Variants in ZNF804B observed in about 807,000 individuals in gnomAD.
The protein encoded by ZNF804B is zinc finger protein 804B.
In ZNF804B, 80 loss-of-function variants were observed where a neutral mutation model predicts 101.4. The ratio of observed to expected loss-of-function variants is 0.79; its 90% CI spans 0.66 to 0.95. The LOEUF (loss-of-function observed/expected upper bound fraction) is 0.95, where lower values mean the gene tolerates loss of function less well. Ranked by LOEUF, ZNF804B falls within the 40% of genes least tolerant of loss-of-function variation. ZNF804B has a pLI of 0.00. For missense variants in ZNF804B, 1,673 were observed against 1,561.9 expected, an observed-to-expected ratio of 1.07 and a Z score of -1.20; for synonymous variants, 622 against 558.8, an observed-to-expected ratio of 1.11 and a Z score of -1.59.
intron 1 of ZNF804B, among the ~76,000 whole-genome samples, chr7:89,011,838 G>C (rs994323581): frequency 6.6e-6 from 1 of 152,080 alleles, no homozygotes. Context: ...GCTGTTGGTG[G>C]ATCTATTGTT....
At chr7:89,063,783 C>T (rs769222086) in intron 1 of ZNF804B, among the ~76,000 whole-genome samples, 1 of 152,122 alleles carries the variant, frequency 6.6e-6, no homozygotes. Context: ...TCAGTAAACA[C>T]GTACTAAGTA....
At chr7:89,275,016 G>C (rs1269319903) in intron 2 of ZNF804B, among the ~76,000 whole-genome samples, 2 of 151,910 alleles carry the variant, frequency 1.3e-5, no homozygotes, top group Non-Finnish European at 2.9e-5. Flanking sequence ...AAATGAATTT[G>C]TCTCCTGATT....
chr7:89,042,062 G>A (rs1422914178), intron 1 of ZNF804B, among the ~76,000 whole-genome samples: 1 of 152,100 alleles, frequency 6.6e-6, no homozygotes, highest in African/African-American at 2.4e-5. Context: ...TGAGAAATGT[G>A]TTATACTTTT....
intron 2 of ZNF804B, among the ~76,000 whole-genome samples, chr7:89,301,394 T>C (rs1369396806): frequency 6.6e-6 from 1 of 151,572 alleles, no homozygotes; most frequent in Non-Finnish European, 1.5e-5. Flanking sequence ...TCTTCCAAAC[T>C]CACCCTGTGA....
At chr7:88,767,206 C>G (rs988414865) in intron 1 of ZNF804B, among the ~76,000 whole-genome samples, 1 of 152,176 alleles carries the variant, frequency 6.6e-6, no homozygotes, top group Non-Finnish European at 1.5e-5. Flanking sequence ...TTTCACCCAA[C>G]CTTACAAGTT....
chr7:88,786,258 G>T (rs1790301235), intron 1 of ZNF804B, among the ~76,000 whole-genome samples: 1 of 152,112 alleles, frequency 6.6e-6, no homozygotes. Flanking sequence ...AAATAGAGTA[G>T]ATGCTATACC....
intron 1 of ZNF804B, among the ~76,000 whole-genome samples, chr7:88,819,929 G>C (rs1790949500): frequency 6.6e-6 from 1 of 152,158 alleles, no homozygotes; most frequent in Non-Finnish European, 1.5e-5. Context: ...AGGAAGCATA[G>C]TTTGTCCTGT....
intron 2 of ZNF804B, among the ~76,000 whole-genome samples, chr7:89,301,174 T>C (rs1433151252): frequency 6.8e-6 from 1 of 146,674 alleles, no homozygotes; most frequent in Non-Finnish European, 1.5e-5. Context: ...AACAAAAAAT[T>C]CTGATAGATA....
At chr7:89,238,868 G>A (rs1328724521) in intron 2 of ZNF804B, among the ~76,000 whole-genome samples, 2 of 152,132 alleles carry the variant, frequency 1.3e-5, no homozygotes, top group Non-Finnish European at 2.9e-5. Flanking sequence ...GGTCAAGGTG[G>A]CAGACCTGAC....
chr7:89,251,542 A>C (rs1477699697), intron 2 of ZNF804B, among the ~76,000 whole-genome samples: 1 of 152,188 alleles, frequency 6.6e-6, no homozygotes, highest in Non-Finnish European at 1.5e-5. Context: ...TACAGATTCA[A>C]TGCTATTTCT....
rs753281407 is a variant in ZNF804B, at chr7:89,337,020, A to G, written c.4038A>G (p.Thr1346=). ...TGAAAGAGGCCTTAAATGTGTCCAC[A>G]CACTTGAACTAATAAGTGTTAAAGC... ...NEVKEALNVS[T]HLN is the part of the protein sequence containing the mutation. Residue 1346 remains threonine, a synonymous_variant, in exon 4 of 4, where the codon ACA becomes ACG. Coordinates refer to ENST00000333190, the MANE Select transcript of ZNF804B (RefSeq NM_181646.5). 1 of 1,613,208 alleles carries G rather than the reference A, an allele frequency of 6.2e-7. No homozygotes were observed. The highest frequency in any genetic ancestry group is 1.7e-5 in the Admixed American group (1 of 59,892).
At position 89,142,395 on chromosome 7, in the gene ZNF804B, C is replaced by T. The variant is rs1790730525; in HGVS notation, c.109-75760C>T. Among the ~76,000 whole-genome samples the T allele has an allele frequency of 2.0e-5, 3 of 151,834 alleles. No homozygotes were observed. In the South Asian group the frequency reaches 6.2e-4, roughly 32 times the overall value. On this transcript the variant is annotated intron_variant, in intron 1 of 3. Transcript: ENST00000333190. ...ATAAGAACATATTATTGTTCTTTGA[C>T]CATCCAGAAAGTCAACAAACAAAAT...
chr7:88,911,949 CT>C (rs2115976890), intron 1 of ZNF804B, among the ~76,000 whole-genome samples: 1 of 151,680 alleles, frequency 6.6e-6, no homozygotes, highest in East Asian at 1.9e-4. Flanking sequence ...ATATTTTTAA[CT>C]TTTTTCCTGT....
intron 1 of ZNF804B, among the ~76,000 whole-genome samples, chr7:89,210,653 T>C (rs117229604): frequency 0.011 from 1,674 of 152,318 alleles, 45 homozygotes; most frequent in East Asian, 0.095. Context: ...ACTCCATCCA[T>C]GTCCCTGCAA....
At chr7:89,006,612 G>A (rs1306388571) in intron 1 of ZNF804B, among the ~76,000 whole-genome samples, 1 of 151,884 alleles carries the variant, frequency 6.6e-6, no homozygotes, top group Non-Finnish European at 1.5e-5. Context: ...CAATTGATGT[G>A]GTTAGATGCC....
At chr7:89,006,537 T>C (rs796439650) in intron 1 of ZNF804B, among the ~76,000 whole-genome samples, 13 of 152,146 alleles carry the variant, frequency 8.5e-5, no homozygotes, top group African/African-American at 3.1e-4. Flanking sequence ...CTTTGAAAAA[T>C]ATAACAAAAA....
intron 1 of ZNF804B, among the ~76,000 whole-genome samples, chr7:88,928,801 A>G (rs545170039): frequency 6.6e-6 from 1 of 152,210 alleles, no homozygotes; most frequent in East Asian, 1.9e-4. Flanking sequence ...TGTAACAGTT[A>G]AGTATCTTGC....
In ZNF804B at chr7:88,854,476, T is replaced by TTTCTTTCTTTCC. The variant is rs1554340148; in HGVS notation, c.108+94392_108+94393insTTCTTTCTTTCC. ...CTTTCTTTCTTTCTTTCTTTCTTTC[T>TTTCTTTCTTTCC]CTTTCCTTTCCTTTCCTTTCCTTTC... On this transcript the variant is annotated intron_variant, in intron 1 of 3. Coordinates refer to ENST00000333190, the MANE Select transcript of ZNF804B (RefSeq NM_181646.5). Among the ~76,000 whole-genome samples, 12 of 48,762 alleles carry TTTCTTTCTTTCC rather than the reference T, an allele frequency of 2.5e-4. No individual in the cohort carries two copies. In the South Asian group the frequency reaches 4.9e-3, roughly 20 times the overall value. The allele number at this position is 48,762 out of a possible 152,430, so 32.0% of individuals were successfully genotyped here.
intron 1 of ZNF804B, among the ~76,000 whole-genome samples, chr7:88,896,385 G>C (rs1222871700): frequency 6.6e-6 from 1 of 152,040 alleles, no homozygotes; most frequent in African/African-American, 2.4e-5. Flanking sequence ...TAAAATGGAA[G>C]GCTCATTTGC....
Sources: allele counts gnomAD v4.1 joint callset (sites outside exome capture counted in the v4.1 genomes callset), GRCh38; gene constraint gnomAD v4.1.1; transcripts MANE v1.5; gene names NCBI Gene and HGNC (gene_info 2026-07-23, HGNC 2026-07-21).